The following CEACAM1 variants were observed in gnomAD, a reference collection of about 807,000 sequenced individuals.
CEACAM1 encodes the protein CEA cell adhesion molecule 1, also known as cell adhesion molecule CEACAM1.
Under a neutral mutation model 49.1 loss-of-function variants are expected in CEACAM1, and 31 were observed. The ratio of observed to expected loss-of-function variants is 0.63; its 90% CI spans 0.47 to 0.85. The LOEUF is 0.85. Among genes scored for constraint, CEACAM1 ranks in the 40% least tolerant of loss-of-function variants. CEACAM1 has a pLI of 0.00. For missense variants in CEACAM1, 570 were observed against 645.3 expected (o/e 0.88, Z 1.26); for synonymous variants, 244 against 247.8 (o/e 0.98, Z 0.14).
At chr19:42,521,733 C>T (rs989512860) in intron 3 of CEACAM1, among the ~76,000 whole-genome samples, 191 bp downstream of exon 3, 3 of 152,202 alleles carry the variant, frequency 2.0e-5, no homozygotes, top group Non-Finnish European at 4.4e-5. Flanking sequence ...ACAGGAGCAG[C>T]CTCTCCCCTC....
chr19:42,513,478 T>C (rs1276381163), intron 5 of CEACAM1, among the ~76,000 whole-genome samples: 1 of 151,680 alleles, frequency 6.6e-6, no homozygotes, highest in Non-Finnish European at 1.5e-5. Context: ...GTGCCTATAA[T>C]CCCAGCTACT....
At position 42,520,840 on chromosome 19, in the gene CEACAM1, TTC is replaced by T. The variant is rs1018372622; in HGVS notation, c.958+425_958+426del. The T allele has an allele frequency of 3.6e-4, 67 of 188,388 alleles. 2 individuals are homozygous for T. Among genetic ancestry groups the T allele is most frequent in the South Asian group, 4.2e-4 (4 of 9,578 alleles). 11.7% of individuals were successfully genotyped at this position (188,388 alleles called of 1,614,324 possible). On this transcript the variant is annotated intron_variant, in intron 4 of 8. Transcript: ENST00000161559. Reference sequence around the variant, plus strand: ...CTCATCCCTGATGAAGGGCATTTCCTTCTCTCATTTAGGGAAAACTATTGTGA... The same window carrying T: ...CTCATCCCTGATGAAGGGCATTTCCTTCTCATTTAGGGAAAACTATTGTGA...
At chr19:42,513,337 G>A (rs545779268) in intron 5 of CEACAM1, among the ~76,000 whole-genome samples, 1 of 152,266 alleles carries the variant, frequency 6.6e-6, no homozygotes, top group South Asian at 2.1e-4. Flanking sequence ...GGTGGCTGAC[G>A]CCTGTAATCC....
At chr19:42,517,125 C>G (rs1266099120) in intron 5 of CEACAM1, among the ~76,000 whole-genome samples, 1 of 152,106 alleles carries the variant, frequency 6.6e-6, no homozygotes, top group Non-Finnish European at 1.5e-5. Flanking sequence ...AACTGGATAT[C>G]CATGCAAAAG....
rs141839295 is a variant in CEACAM1 at position 42,522,072 on chromosome 19, G to C, written c.555C>G (p.Leu185=). The change falls in exon 3 of 9, where the codon CTC becomes CTG. Residue 185 remains leucine, a synonymous_variant. Transcript: ENST00000161559. The part of the protein sequence containing the change: ...TYLWWINNQS[L]PVSPRLQLSN... ...ACAGCTGCAGCCTGGGACTGACCGG[G>C]AGGCTCTGATTGTTTATCCACCACA... 2,186 of 1,614,200 alleles carry C rather than the reference G, an allele frequency of 1.4e-3. 2 individuals carry two copies. The highest frequency in any genetic ancestry group is 1.7e-3 in the Non-Finnish European group (2,045 of 1,180,022).
chr19:42,522,002 C>T lies in CEACAM1; in HGVS notation c.625G>A (p.Asp209Asn), dbSNP rs368063399. 4.6e-5 allele frequency: 74 copies of T among 1,614,248 alleles called. No individual in the cohort carries two copies. In the East Asian group the frequency reaches 1.6e-3, roughly 35 times the overall value. ...TLTLLSVTRN[D>N]TGPYECEIQN... is the part of the protein sequence containing the mutation. ...ATTTCACACTCATAGGGTCCTGTGT[C>T]ATTCCTTGTGACACTGAGTAGAGTG... The change falls in exon 3 of 9, where the codon GAC becomes AAC. Residue 209 changes from aspartate (D) to asparagine (N), a missense_variant. Physicochemically the swap from Asp to Asn is conservative, Grantham distance 23. Coordinates refer to ENST00000161559, the MANE Select transcript of CEACAM1 (RefSeq NM_001712.5).
intron 7 of CEACAM1, 63 bp downstream of exon 7, chr19:42,511,513 C>T: frequency 3.1e-5 from 42 of 1,374,180 alleles, no homozygotes; most frequent in Non-Finnish European, 4.4e-5. Context: ...CCAGGATTCC[C>T]TGCCAGGGGA....
chr19:42,521,722 G>A (rs1030633365), intron 3 of CEACAM1, among the ~76,000 whole-genome samples: 1 of 152,190 alleles, frequency 6.6e-6, no homozygotes, highest in African/African-American at 2.4e-5. Flanking sequence ...AGCCTCCCAG[G>A]ACAGGAGCAG....
chr19:42,526,533 C>T (rs1023885803), intron 2 of CEACAM1, among the ~76,000 whole-genome samples: 1 of 152,200 alleles, frequency 6.6e-6, no homozygotes, highest in African/African-American at 2.4e-5. Flanking sequence ...CTCCAGGAGC[C>T]ACAGCCCTCG....
intron 2 of CEACAM1, 62 bp downstream of exon 2, chr19:42,526,979 A>G: frequency 3.2e-6 from 5 of 1,568,734 alleles, no homozygotes; most frequent in African/African-American, 1.4e-5. Context: ...AGGCCTGACA[A>G]TCCCATGTGT....
chr19:42,526,766 G>A (rs905394906), intron 2 of CEACAM1, among the ~76,000 whole-genome samples: 1 of 152,140 alleles, frequency 6.6e-6, no homozygotes, highest in Non-Finnish European at 1.5e-5. Context: ...CACCAGGAGG[G>A]TCCCGGGGGG....
At position 42,508,337 on chromosome 19, in the gene CEACAM1, C is replaced by G. The variant is rs1459932015; in HGVS notation, c.*772G>C. On this transcript the variant is annotated 3_prime_UTR_variant, in exon 9 of 9. Coordinates refer to ENST00000161559, the MANE Select transcript of CEACAM1 (RefSeq NM_001712.5). Reference sequence around the variant, plus strand: ...AGCTGGTTCCCTCCTGAAGCTATAACCCCTCCCTCTCAGCACTGCCTTGAA... The same window carrying G: ...AGCTGGTTCCCTCCTGAAGCTATAAGCCCTCCCTCTCAGCACTGCCTTGAA... The G allele has an allele frequency of 2.0e-5, 3 of 152,274 alleles. No individual in the cohort carries two copies. Among genetic ancestry groups the G allele is most frequent in the Non-Finnish European group, 4.4e-5 (3 of 68,046 alleles). 9.4% of individuals were successfully genotyped at this position (152,274 alleles called of 1,614,324 possible).
intron 8 of CEACAM1, among the ~76,000 whole-genome samples, chr19:42,509,772 A>C (rs912626460): frequency 6.6e-6 from 1 of 151,590 alleles, no homozygotes; most frequent in African/African-American, 2.4e-5. Context: ...GATTACAGGC[A>C]TCCACTACCA....
At chr19:42,519,571 T>C (rs1219116105) in intron 4 of CEACAM1, 6 of 96,334 alleles carry the variant, frequency 6.2e-5, no homozygotes, top group South Asian at 2.5e-4. Flanking sequence ...TCCCACTGAC[T>C]TTTTTTTTTT....
intron 4 of CEACAM1, 195 bp downstream of exon 4, chr19:42,521,072 G>A: frequency 1.5e-6 from 1 of 647,128 alleles, no homozygotes; most frequent in Non-Finnish European, 2.7e-6. Flanking sequence ...CTGGACCTAA[G>A]GTCAGCTGTG....
At chr19:42,522,307 C>T in intron 2 of CEACAM1, 105 bp from the exon 3 acceptor site, 2 of 1,524,112 alleles carry the variant, frequency 1.3e-6, no homozygotes, top group Non-Finnish European at 1.8e-6. Context: ...TGGAGCCTCG[C>T]TCTGTCACCC....
At chr19:42,514,970 C>A (rs1036594321) in intron 5 of CEACAM1, 12 of 648,978 alleles carry the variant, frequency 1.8e-5, no homozygotes, top group Admixed American at 7.3e-5. Flanking sequence ...TACATTAAAT[C>A]TTTAAAATAA....
chr19:42,513,563 C>G (rs1190225616), intron 5 of CEACAM1, among the ~76,000 whole-genome samples: 3 of 151,954 alleles, frequency 2.0e-5, no homozygotes, highest in Non-Finnish European at 4.4e-5. Flanking sequence ...CACTACTGCA[C>G]TCAAGCCTGG....
intron 2 of CEACAM1, among the ~76,000 whole-genome samples, chr19:42,523,175 A>G (rs771785470): frequency 7.9e-5 from 12 of 152,084 alleles, no homozygotes; most frequent in Non-Finnish European, 1.5e-4. Context: ...TTGCCCCACT[A>G]GGTGTGTTTT....
Sources: allele counts gnomAD v4.1 joint callset (sites outside exome capture counted in the v4.1 genomes callset), GRCh38; gene constraint gnomAD v4.1.1; transcripts MANE v1.5; gene names NCBI Gene and HGNC (gene_info 2026-07-23, HGNC 2026-07-21).